RP1: variants seen among roughly 807,000 people sequenced by gnomAD.
RP1 encodes RP1 axonemal microtubule associated, also known as oxygen-regulated protein 1.
A neutral mutation model predicts 14.8 loss-of-function variants in RP1; 16 were observed. That is an observed-to-expected ratio of 1.08 (90% CI 0.73 to 1.65). The LOEUF is 1.65. Among genes scored for constraint, RP1 ranks in the 40% most tolerant of loss-of-function variants. The pLI, the probability that RP1 is intolerant of heterozygous loss-of-function variation, is 0.00. For missense variants in RP1, 2,631 were observed against 2,535.0 expected (o/e 1.04, Z -0.81); for synonymous variants, 876 against 883.6 (o/e 0.99, Z 0.15).
intron 1 of RP1, among the ~76,000 whole-genome samples, chr8:54,606,300 G>A (rs1396937194): frequency 6.6e-6 from 1 of 152,118 alleles, no homozygotes; most frequent in Admixed American, 6.5e-5. Context: ...CTTCACTTAT[G>A]AAGCTTAGTT....
At chr8:54,754,854 G>A (rs1355307461) in exon 20 of RP1, 56 of 1,527,508 alleles carry the variant, frequency 3.7e-5, no homozygotes, top group Admixed American at 1.6e-4. Context: ...TGCAGCAAAC[G>A]TATGGCTGTC....
chr8:54,629,835 A>C lies in RP1; in HGVS notation c.5953A>C (p.Ile1985Leu). The change falls in exon 4 of 4, where the codon ATT (isoleucine) becomes CTT (leucine). Residue 1985 changes from isoleucine (I) to leucine (L), a missense_variant. By Grantham distance (5) the Ile-to-Leu change is conservative. Transcript: ENST00000220676. ...GAGACAAAATCTTATTGATAATGCC[A>C]TTGGTGATATATTTGATCAGTTTTA... ...SMRQNLIDNA[I>L]GDIFDQFYFS... is the part of the protein sequence containing the mutation. The C allele has an allele frequency of 6.2e-7, 1 of 1,613,494 alleles. No homozygotes were observed. Among genetic ancestry groups the C allele is most frequent in the East Asian group, 2.2e-5 (1 of 44,850 alleles).
At chr8:54,797,889 T>G (rs1810612845) in intron 24 of RP1, among the ~76,000 whole-genome samples, 4 of 143,448 alleles carry the variant, frequency 2.8e-5, no homozygotes, top group Admixed American at 6.9e-5. Flanking sequence ...TTTTTTTTTT[T>G]TTTTTAACCA....
At chr8:54,809,804 A>G (rs1158198125) in intron 24 of RP1, among the ~76,000 whole-genome samples, 1 of 152,222 alleles carries the variant, frequency 6.6e-6, no homozygotes, top group Non-Finnish European at 1.5e-5. Context: ...TTAAGGTGGC[A>G]ATAAGAAAGT....
At chr8:54,624,509 AC>A (rs928212533) in intron 3 of RP1, among the ~76,000 whole-genome samples, 160 bp from the exon 4 acceptor site, 3 of 151,782 alleles carry the variant, frequency 2.0e-5, no homozygotes, top group Non-Finnish European at 2.9e-5. Context: ...CATATCAGTA[AC>A]ATTTTACTAT....
intron 12 of RP1, among the ~76,000 whole-genome samples, chr8:54,686,861 A>T (rs1807575600): frequency 6.6e-6 from 1 of 152,102 alleles, no homozygotes; most frequent in African/African-American, 2.4e-5. Flanking sequence ...AAGAGAAAAA[A>T]TTTATAATCT....
At chr8:54,845,677 T>C (rs937345960) in intron 25 of RP1, among the ~76,000 whole-genome samples, 1 of 152,250 alleles carries the variant, frequency 6.6e-6, no homozygotes, top group African/African-American at 2.4e-5. Context: ...TGCTTCCTTT[T>C]AGGGCATTTC....
In RP1 at chr8:54,721,616, T is replaced by C. The variant is rs565042153; in HGVS notation, c.2389+1310T>C. 4.4e-4 allele frequency among the ~76,000 whole-genome samples: 67 copies of C among 152,314 alleles called. 1 individual carries two copies. Among genetic ancestry groups the C allele is most frequent in the Admixed American group, 3.1e-3 (47 of 15,300 alleles). Reference sequence around the variant, plus strand: ...TTTGTCAACCTTAGGGTATTAGTACTAAAAGAACCAATAGAAACAAAGCCA... The same window carrying C: ...TTTGTCAACCTTAGGGTATTAGTACCAAAAGAACCAATAGAAACAAAGCCA... On this transcript the variant is annotated intron_variant, in intron 16 of 22. Coordinates refer to the RP1 transcript ENST00000636932.
chr8:54,753,166 T>C (rs1809416317), intron 19 of RP1, among the ~76,000 whole-genome samples: 1 of 152,236 alleles, frequency 6.6e-6, no homozygotes, highest in African/African-American at 2.4e-5. Flanking sequence ...CTGTCCAGTG[T>C]TCTTTTCAAG....
chr8:54,867,007 A>G (rs1241473754), intron 28 of RP1, among the ~76,000 whole-genome samples: 1 of 152,192 alleles, frequency 6.6e-6, no homozygotes, highest in African/African-American at 2.4e-5. Flanking sequence ...TTTAGAGATA[A>G]AAAAGTAGAG....
At chr8:54,652,880 A>G in intron 5 of RP1, 1 of 1,520,566 alleles carries the variant, frequency 6.6e-7, no homozygotes. Flanking sequence ...AGGATATATC[A>G]ACACTTTCCC....
At chr8:54,728,900 A>G (rs748686030) in intron 17 of RP1, among the ~76,000 whole-genome samples, 11 of 152,196 alleles carry the variant, frequency 7.2e-5, no homozygotes, top group African/African-American at 2.4e-4. Flanking sequence ...AATGATCAAC[A>G]TAGACGTAGT....
downstream of RP1, among the ~76,000 whole-genome samples, chr8:54,635,729 A>C (rs1384000402): frequency 6.6e-6 from 1 of 152,074 alleles, no homozygotes; most frequent in African/African-American, 2.4e-5. Context: ...CCCAAAACCC[A>C]ACACACCCCA....
In RP1 at chr8:54,853,963, GAGAGAAAGAA is replaced by G. The variant is rs1463084051; in HGVS notation, c.3990+1248_3990+1257del. ...AAGGAAGGAAGGAAGGAAAAGAAAA[GAGAGAAAGAA>G]AGAGAAAGAAAGGAAGAAAGAAAGA... On this transcript the variant is annotated intron_variant, in intron 26 of 28. Transcript: ENST00000637698. Among the ~76,000 whole-genome samples the G allele has an allele frequency of 3.4e-5, 5 of 148,436 alleles. No homozygotes were observed. In the East Asian group the frequency reaches 5.9e-4, roughly 18 times the overall value.
At chr8:54,870,365 T>A in exon 29 of RP1, 1 of 154,348 alleles carries the variant, frequency 6.5e-6, no homozygotes, top group Non-Finnish European at 1.4e-5. Context: ...ATTTGATGCA[T>A]GAAAAACACT....
At chr8:54,741,240 C>G (rs1023456527) in intron 19 of RP1, among the ~76,000 whole-genome samples, 1 of 151,934 alleles carries the variant, frequency 6.6e-6, no homozygotes, top group Non-Finnish European at 1.5e-5. Context: ...GTTAATGAAG[C>G]CTACAGTAGT....
chr8:54,687,048 A>G (rs1167474481), intron 12 of RP1, among the ~76,000 whole-genome samples: 1 of 152,146 alleles, frequency 6.6e-6, no homozygotes, highest in Non-Finnish European at 1.5e-5. Flanking sequence ...TATTCATGCC[A>G]TGTCAGACTA....
intron 24 of RP1, among the ~76,000 whole-genome samples, chr8:54,833,281 T>A (rs183610313): frequency 3.3e-5 from 5 of 151,922 alleles, no homozygotes; most frequent in Non-Finnish European, 5.9e-5. Flanking sequence ...GAATTGGAAA[T>A]GCCCTCATGC....
intron 25 of RP1, among the ~76,000 whole-genome samples, chr8:54,841,966 G>A (rs1054346955): frequency 6.6e-6 from 1 of 152,124 alleles, no homozygotes; most frequent in Admixed American, 6.5e-5. Flanking sequence ...ATGTATTAAA[G>A]TACCATCATA....
Sources: gnomAD v4.1 joint callset for allele counts (sites outside exome capture counted in the v4.1 genomes callset) on GRCh38, gnomAD v4.1.1 for gene constraint, MANE v1.5 for transcripts, NCBI Gene and HGNC (gene_info 2026-07-23, HGNC 2026-07-21) for gene names.